The following NECTIN1 variants were observed in gnomAD, a reference collection of about 807,000 sequenced individuals.
NECTIN1 encodes the protein nectin cell adhesion molecule 1, also known as nectin-1.
A neutral mutation model predicts 48.0 loss-of-function variants in NECTIN1; 23 were observed. That is an observed-to-expected ratio of 0.48 (90% CI 0.34 to 0.68). The LOEUF is 0.68. Ranked by LOEUF, NECTIN1 falls within the 30% of genes least tolerant of loss-of-function variation. The probability of loss-of-function intolerance (pLI) is 0.01; values close to 1 mark genes in which losing one functional copy is unlikely to be tolerated. For missense variants in NECTIN1, 591 were observed against 709.9 expected (o/e 0.83, Z 1.90); for synonymous variants, 270 against 288.9 (o/e 0.93, Z 0.66).
At position 119,663,270 on chromosome 11, in the gene NECTIN1, G is replaced by A; in HGVS notation, c.*1477C>T. On this transcript the variant is annotated 3_prime_UTR_variant, in exon 6 of 6. Coordinates refer to ENST00000264025, the MANE Select transcript of NECTIN1 (RefSeq NM_002855.5). ...GTGCCAGGGGATCTGGGAGCAGATG[G>A]AGGAACTGAGGCACTTTGAGCTGGG... The A allele has an allele frequency of 1.0e-6, 1 of 985,568 alleles. No homozygotes were observed. Among genetic ancestry groups the A allele is most frequent in the Non-Finnish European group, 1.2e-6 (1 of 830,010 alleles). 61.1% of individuals were successfully genotyped at this position (985,568 alleles called of 1,614,324 possible).
In NECTIN1 at chr11:119,664,270, G is replaced by A; in HGVS notation, c.*477C>T. Reference sequence around the variant, plus strand: ...GCTGCATCAGATTTCACTGGTGGGTGTTGGGTTCCCTCTAGCCGGGAGGAG... The same window carrying A: ...GCTGCATCAGATTTCACTGGTGGGTATTGGGTTCCCTCTAGCCGGGAGGAG... On this transcript the variant is annotated 3_prime_UTR_variant, in exon 6 of 6. Transcript: ENST00000264025. The A allele has an allele frequency of 3.0e-6, 3 of 996,642 alleles. No homozygotes were observed. The highest frequency in any genetic ancestry group is 3.6e-6 in the Non-Finnish European group (3 of 836,428). 61.7% of individuals were successfully genotyped at this position (996,642 alleles called of 1,614,324 possible).
chr11:119,642,793 T>TAATA (rs1418361845), intron 5 of NECTIN1: 1 of 153,712 alleles, frequency 6.5e-6, no homozygotes, highest in Admixed American at 6.5e-5. Context: ...AGATTACTCA[T>TAATA]AATACCTGGT....
intron 1 of NECTIN1, among the ~76,000 whole-genome samples, chr11:119,698,363 C>T (rs1400749942): frequency 6.6e-6 from 1 of 152,244 alleles, no homozygotes. Context: ...CCCCTTCTTT[C>T]ACGGTCTTCA....
At chr11:119,717,202 C>T (rs908883684) in intron 1 of NECTIN1, among the ~76,000 whole-genome samples, 6 of 152,216 alleles carry the variant, frequency 3.9e-5, no homozygotes, top group Non-Finnish European at 7.3e-5. Context: ...GGACTGGCCA[C>T]GAGGCCCATC....
At position 119,683,926 on chromosome 11, in the gene NECTIN1, T is replaced by TTCC. The variant is rs1205148167; in HGVS notation, c.80-5162_80-5161insGGA. Among the ~76,000 whole-genome samples the TTCC allele has an allele frequency of 8.9e-4, 135 of 152,114 alleles. No individual in the cohort carries two copies. Among genetic ancestry groups the TTCC allele is most frequent in the Non-Finnish European group, 1.5e-4 (10 of 67,968 alleles). On this transcript the variant is annotated intron_variant, in intron 1 of 5. Coordinates refer to ENST00000264025, the MANE Select transcript of NECTIN1 (RefSeq NM_002855.5). The surrounding 1 kb of genome is among the most constrained non-coding windows in gnomAD (Gnocchi z 4.0). ...AAGTGCTGAGCCAGCATGACGGGCCTCAGGCCGGCCCCCTGAGACGTCACA... is the reference window on the plus strand; with the variant it reads ...AAGTGCTGAGCCAGCATGACGGGCCTTCCCAGGCCGGCCCCCTGAGACGTCACA...
At position 119,716,857 on chromosome 11, in the gene NECTIN1, C is replaced by T. The variant is rs59128946; in HGVS notation, c.79+11618G>A. 5.3e-5 allele frequency among the ~76,000 whole-genome samples: 8 copies of T among 151,910 alleles called. No individual in the cohort carries two copies. The East Asian group carries it at 1.2e-3, about 22-fold the overall frequency. On this transcript the variant is annotated intron_variant, in intron 1 of 5. Coordinates refer to ENST00000264025, the MANE Select transcript of NECTIN1 (RefSeq NM_002855.5). ...AGAAGCAGGCGCGTGCACACGCGCGCGCACGCACGCACGCACACACACACA... is the reference window on the plus strand; with the variant it reads ...AGAAGCAGGCGCGTGCACACGCGCGTGCACGCACGCACGCACACACACACA...
chr11:119,677,806 T>G lies in NECTIN1; in HGVS notation c.482A>C (p.Lys161Thr). 6.2e-7 allele frequency: 1 copy of G among 1,614,152 alleles called. No individual in the cohort carries two copies. The highest frequency in any genetic ancestry group is 8.5e-7 in the Non-Finnish European group (1 of 1,180,006). ...CACCAGGACCTTGTCATCCTGCCCC[T>G]TCTTGGCTCGAAGCACTGCCTGGGT... Reference protein sequence around the residue: ...EGTQAVLRAKKGQDDKVLVAT... With the variant: ...EGTQAVLRAKTGQDDKVLVAT... The change falls in exon 3 of 6, where the codon AAG becomes ACG. Residue 161 changes from lysine (K) to threonine (T), a missense_variant. Coordinates refer to ENST00000264025, the MANE Select transcript of NECTIN1 (RefSeq NM_002855.5). This position sits in a 1 kb window ranked among gnomAD's most constrained non-coding sequence, Gnocchi z 5.4.
At chr11:119,659,837 T>G (rs1864631520), downstream of NECTIN1, among the ~76,000 whole-genome samples, 1 of 152,240 alleles carries the variant, frequency 6.6e-6, no homozygotes, top group South Asian at 2.1e-4. Context: ...GTATTAATAA[T>G]GTAATTACGC....
rs1185457090 is a variant in NECTIN1, at chr11:119,727,289, G to A, written c.79+1186C>T. Among the ~76,000 whole-genome samples the A allele has an allele frequency of 6.6e-6, 1 of 152,168 alleles. No individual in the cohort carries two copies. Among genetic ancestry groups the A allele is most frequent in the African/African-American group, 2.4e-5 (1 of 41,418 alleles). ...GCGGCAAAGCACATTGCAGGAACTC[G>A]GGATCTAATATTCCTGCCCCACGAG... is the stretch of plus-strand genomic sequence containing the variant. On this transcript the variant is annotated intron_variant, in intron 1 of 5. Transcript: ENST00000264025. This position sits in a 1 kb window ranked among gnomAD's most constrained non-coding sequence, Gnocchi z 4.1.
chr11:119,639,808 A>G, intron 6 of NECTIN1: 3 of 1,609,818 alleles, frequency 1.9e-6, no homozygotes, highest in Non-Finnish European at 2.5e-6. Flanking sequence ...TGGGGCTCCC[A>G]GGGTGCTGGG....
At chr11:119,705,845 G>T (rs4938716) in intron 1 of NECTIN1, among the ~76,000 whole-genome samples, 47,230 of 151,840 alleles carry the variant, frequency 0.31, 7,873 homozygotes, top group East Asian at 0.47. Context: ...GGCAGGGGCT[G>T]CATCAAGGTC....
chr11:119,657,302 C>T (rs1245261485), downstream of NECTIN1, among the ~76,000 whole-genome samples: 3 of 152,010 alleles, frequency 2.0e-5, no homozygotes, highest in Non-Finnish European at 2.9e-5. Context: ...ATTGGAATCT[C>T]CTGGGTAGCT....
In NECTIN1 at chr11:119,664,114, A is replaced by G. The variant is rs1864719034; in HGVS notation, c.*633T>C. On this transcript the variant is annotated 3_prime_UTR_variant, in exon 6 of 6. Coordinates refer to ENST00000264025, the MANE Select transcript of NECTIN1 (RefSeq NM_002855.5). ...CAATGAGGAAAAAAAATGTAAAACC[A>G]CCCTCAGCAGGAAAACACTGCCCAA... 1.0e-6 allele frequency: 1 copy of G among 985,580 alleles called. No homozygotes were observed. Among genetic ancestry groups the G allele is most frequent in the South Asian group, 4.7e-5 (1 of 21,272 alleles). The allele number at this position is 985,580 out of a possible 1,614,324, so 61.1% of individuals were successfully genotyped here.
intron 1 of NECTIN1, among the ~76,000 whole-genome samples, chr11:119,703,519 C>T (rs954015821): frequency 1.7e-4 from 26 of 152,160 alleles, no homozygotes; most frequent in African/African-American, 5.6e-4. Context: ...CCTGTGTACC[C>T]AGGATGGGCC....
Position 119,638,171 on chromosome 11 carries a change from TA to T in NECTIN1, c.1303del (p.Tyr435ThrfsTer14), listed in dbSNP as rs1864265653. 6.2e-7 allele frequency: 1 copy of T among 1,613,926 alleles called. No individual in the cohort carries two copies. Among genetic ancestry groups the T allele is most frequent in the South Asian group, 1.1e-5 (1 of 91,046 alleles). ...GGAGGGGGAGACCCCCAGATCATAG[TA>T]GGGGGGCTGCAGGGACAGCTTCTGC... On this transcript the variant is annotated frameshift_variant, in exon 8 of 8. Transcript: ENST00000341398. LOFTEE classifies it low-confidence loss of function (END_TRUNC).
chr11:119,685,970 T>C (rs1865148077), intron 1 of NECTIN1, among the ~76,000 whole-genome samples: 1 of 152,166 alleles, frequency 6.6e-6, no homozygotes, highest in African/African-American at 2.4e-5. Context: ...TGCCTTTGCC[T>C]TGGATCAACT....
At position 119,677,961 on chromosome 11, in the gene NECTIN1, T is replaced by G; in HGVS notation, c.431-104A>C. On this transcript the variant is annotated intron_variant, in intron 2 of 5. Coordinates refer to ENST00000264025, the MANE Select transcript of NECTIN1 (RefSeq NM_002855.5). The surrounding 1 kb of genome is among the most constrained non-coding windows in gnomAD (Gnocchi z 5.4). ...CGTCAGGCCTTGTCTTCAGGTCCCCTTGGCCATCCCTGCCTCTCAGCTGTG... is the reference window on the plus strand; with the variant it reads ...CGTCAGGCCTTGTCTTCAGGTCCCCGTGGCCATCCCTGCCTCTCAGCTGTG... The G allele has an allele frequency of 8.5e-7, 1 of 1,179,722 alleles. No homozygotes were observed. Among genetic ancestry groups the G allele is most frequent in the Non-Finnish European group, 1.2e-6 (1 of 810,908 alleles). 73.1% of individuals were successfully genotyped at this position (1,179,722 alleles called of 1,614,324 possible).
chr11:119,719,316 G>A (rs1441673026), intron 1 of NECTIN1, among the ~76,000 whole-genome samples: 1 of 152,192 alleles, frequency 6.6e-6, no homozygotes, highest in Non-Finnish European at 1.5e-5. Context: ...GCAAAGTCTT[G>A]TGAGGACTCC....
intron 1 of NECTIN1, among the ~76,000 whole-genome samples, chr11:119,692,893 C>T (rs1367372306): frequency 6.6e-6 from 1 of 152,204 alleles, no homozygotes; most frequent in Non-Finnish European, 1.5e-5. Flanking sequence ...CGGCCAGCAC[C>T]CTCTGAACCA....
Sources: allele counts gnomAD v4.1 joint callset (sites outside exome capture counted in the v4.1 genomes callset), GRCh38; gene constraint gnomAD v4.1.1; non-coding constraint Gnocchi (gnomAD v3.1); transcripts MANE v1.5; gene names NCBI Gene and HGNC (gene_info 2026-07-23, HGNC 2026-07-21).